SMC1B: variants seen among roughly 807,000 people sequenced by gnomAD.
SMC1B encodes the protein structural maintenance of chromosomes protein 1B.
In SMC1B, 60 loss-of-function variants were observed where a neutral mutation model predicts 157.9. The ratio of observed to expected loss-of-function variants is 0.38; its 90% CI spans 0.31 to 0.47. SMC1B has a LOEUF of 0.47. Ranked by LOEUF, SMC1B falls within the 20% of genes least tolerant of loss-of-function variation. SMC1B has a pLI of 0.99. For missense variants in SMC1B, 1,165 were observed against 1,426.2 expected, an observed-to-expected ratio of 0.82 and a Z score of 2.95; for synonymous variants, 445 against 483.0, an observed-to-expected ratio of 0.92 and a Z score of 1.03.
intron 23 of SMC1B, among the ~76,000 whole-genome samples, chr22:45,346,212 A>T (rs998361450): frequency 2.6e-5 from 4 of 152,202 alleles, no homozygotes; most frequent in Non-Finnish European, 5.9e-5. Flanking sequence ...ATCTAACAAC[A>T]AGAAGAGCAA....
At chr22:45,354,847 G>A (rs2086654343) in intron 20 of SMC1B, 112 bp downstream of exon 20, 1 of 946,330 alleles carries the variant, frequency 1.1e-6, no homozygotes, top group Admixed American at 2.2e-5. Context: ...TAAGACCACA[G>A]AGGAAAAAAT....
intron 17 of SMC1B, among the ~76,000 whole-genome samples, chr22:45,361,006 C>T (rs1052535871): frequency 4.0e-5 from 6 of 148,634 alleles, no homozygotes; most frequent in Non-Finnish European, 8.9e-5. Flanking sequence ...GAGTTTCACT[C>T]TTGTTGCCCA....
At position 45,380,078 on chromosome 22, in the gene SMC1B, C is replaced by T. The variant is rs944756634; in HGVS notation, c.2058+3389G>A. On this transcript the variant is annotated intron_variant, in intron 12 of 24. Transcript: ENST00000357450. ...TCTAGTATTTTTGTCACATGGAGTACGTGGATGACAATCTGAATTTGCTTA... is the reference window on the plus strand; with the variant it reads ...TCTAGTATTTTTGTCACATGGAGTATGTGGATGACAATCTGAATTTGCTTA... Among the ~76,000 whole-genome samples the T allele has an allele frequency of 6.6e-5, 10 of 152,058 alleles. No homozygotes were observed. The South Asian group carries it at 1.2e-3, about 19-fold the overall frequency.
intron 12 of SMC1B, among the ~76,000 whole-genome samples, chr22:45,376,405 T>C (rs1034419292): frequency 1.3e-5 from 2 of 152,216 alleles, no homozygotes; most frequent in African/African-American, 4.8e-5. Context: ...ATTGTATGTA[T>C]ATACCACATT....
chr22:45,358,842 T>C, intron 18 of SMC1B, 47 bp from the exon 19 acceptor site: 1 of 1,418,092 alleles, frequency 7.1e-7, no homozygotes, highest in South Asian at 1.2e-5. Context: ...GTTTGTTGTC[T>C]TATATGGGAG....
chr22:45,373,002 C>T (rs780572644), intron 12 of SMC1B, among the ~76,000 whole-genome samples: 67 of 152,048 alleles, frequency 4.4e-4, no homozygotes, highest in Non-Finnish European at 8.7e-4. Flanking sequence ...CGTGAGCCAC[C>T]GCACCCGGCT....
Position 45,383,460 on chromosome 22 carries a change from G to A in SMC1B, c.2058+7C>T. 6.3e-7 allele frequency: 1 copy of A among 1,580,760 alleles called. No individual in the cohort carries two copies. Among genetic ancestry groups the A allele is most frequent in the Non-Finnish European group, 8.6e-7 (1 of 1,169,506 alleles). On this transcript the variant is annotated splice_region_variant and intron_variant, in intron 12 of 24. Transcript: ENST00000357450. ...AGTATATTACAACTTTTATGACATG[G>A]ATTTACCTTTAGCTCTTGGATTTTC...
In SMC1B at chr22:45,398,368, T is replaced by G. The variant is rs528452353; in HGVS notation, c.1113+727A>C. On this transcript the variant is annotated intron_variant, in intron 6 of 24. Transcript: ENST00000357450. ...TGCTCGCTCACACACCCTCTTCTGCTGGGGGCTGAGTGAGCAGTCGTGGCA... is the reference window on the plus strand; with the variant it reads ...TGCTCGCTCACACACCCTCTTCTGCGGGGGGCTGAGTGAGCAGTCGTGGCA... Among the ~76,000 whole-genome samples, 147 of 152,248 alleles carry G rather than the reference T, an allele frequency of 9.7e-4. 1 individual carries two copies. Among genetic ancestry groups the G allele is most frequent in the African/African-American group, 3.4e-3 (143 of 41,558 alleles).
At chr22:45,352,220 CAAA>C (rs34136195) in intron 22 of SMC1B, among the ~76,000 whole-genome samples, 5 of 122,622 alleles carry the variant, frequency 4.1e-5, no homozygotes, top group Admixed American at 7.9e-5. Context: ...ACTCTGTCTC[CAAA>C]AAAAAAAAAA....
Position 45,349,466 on chromosome 22 carries a change from G to A in SMC1B, c.3495+262C>T, listed in dbSNP as rs1430141062. Among the ~76,000 whole-genome samples the A allele has an allele frequency of 2.7e-5, 3 of 112,484 alleles. 1 individual carries two copies. The Admixed American group carries it at 2.8e-4, about 11-fold the overall frequency. The allele number at this position is 112,484 out of a possible 152,430, so 73.8% of individuals were successfully genotyped here. ...ATTCTCCTGCCTCAGCTCCTGAGTA[G>A]CTGGGATTACAGGCGCACACCACCA... On this transcript the variant is annotated intron_variant, in intron 23 of 24. Coordinates refer to ENST00000357450, the MANE Select transcript of SMC1B (RefSeq NM_148674.5).
chr22:45,376,538 G>C (rs2086885376), intron 12 of SMC1B, among the ~76,000 whole-genome samples: 1 of 151,712 alleles, frequency 6.6e-6, no homozygotes, highest in Non-Finnish European at 1.5e-5. Flanking sequence ...TCTTGTTTTG[G>C]GTATATGCCC....
intron 2 of SMC1B, among the ~76,000 whole-genome samples, chr22:45,407,362 G>T (rs1459655256): frequency 1.3e-5 from 2 of 152,112 alleles, no homozygotes; most frequent in Non-Finnish European, 2.9e-5. Flanking sequence ...AATATAAATT[G>T]ATAGCTTATC....
chr22:45,358,712 T>C lies in SMC1B; in HGVS notation c.2946A>G (p.Leu982=). Residue 982 remains leucine (L), a synonymous_variant, in exon 19 of 25, where the codon CTA becomes CTG. Coordinates refer to ENST00000357450, the MANE Select transcript of SMC1B (RefSeq NM_148674.5). ...TTTCCATTACCTTCAAATCCTCTTT[T>C]AGAGAGCTGTAGTCTATTTCAAAGG... The part of the protein sequence containing the change: ...EEAFEIDYSS[L]KEDLKALQSD... 2 of 1,605,676 alleles carry C rather than the reference T, an allele frequency of 1.2e-6. No individual in the cohort carries two copies. Among genetic ancestry groups the C allele is most frequent in the Non-Finnish European group, 1.7e-6 (2 of 1,174,296 alleles).
At chr22:45,371,614 T>A in intron 13 of SMC1B, 27 bp from the exon 14 acceptor site, 1 of 1,570,310 alleles carries the variant, frequency 6.4e-7, no homozygotes, top group Non-Finnish European at 8.6e-7. Context: ...AAAATTTTTT[T>A]AACATGGCTG....
chr22:45,349,719 G>A lies in SMC1B; in HGVS notation c.3495+9C>T. The A allele has an allele frequency of 1.9e-6, 3 of 1,607,634 alleles. No homozygotes were observed. Among genetic ancestry groups the A allele is most frequent in the Non-Finnish European group, 2.6e-6 (3 of 1,175,596 alleles). On this transcript the variant is annotated intron_variant, in intron 23 of 24. Transcript: ENST00000357450. ...GACAGTCTATTGAAAATGAAAAGCAGAAACTTACTTTGCCTATGTTAGTAT... is the reference window on the plus strand; with the variant it reads ...GACAGTCTATTGAAAATGAAAAGCAAAAACTTACTTTGCCTATGTTAGTAT...
At chr22:45,361,634 CA>C (rs2086722656) in intron 17 of SMC1B, among the ~76,000 whole-genome samples, 1 of 152,160 alleles carries the variant, frequency 6.6e-6, no homozygotes. Flanking sequence ...GAAGAAAAAA[CA>C]AAACACTATT....
intron 1 of SMC1B, among the ~76,000 whole-genome samples, chr22:45,410,852 A>G (rs947863061): frequency 2.6e-5 from 4 of 152,218 alleles, no homozygotes; most frequent in Non-Finnish European, 5.9e-5. Context: ...AATTGCTGCA[A>G]ATTTATTTAG....
At chr22:45,401,131 T>G (rs1229178988) in intron 5 of SMC1B, among the ~76,000 whole-genome samples, 1 of 152,226 alleles carries the variant, frequency 6.6e-6, no homozygotes, top group Non-Finnish European at 1.5e-5. Flanking sequence ...AATATTAGTT[T>G]ATTAATTCTG....
chr22:45,371,375 T>C, intron 14 of SMC1B, 96 bp downstream of exon 14: 2 of 1,396,648 alleles, frequency 1.4e-6, no homozygotes, highest in Non-Finnish European at 1.9e-6. Flanking sequence ...CTGTTACCTA[T>C]CAACCTTTGC....
Sources: gnomAD v4.1 joint callset for allele counts (sites outside exome capture counted in the v4.1 genomes callset) on GRCh38, gnomAD v4.1.1 for gene constraint, MANE v1.5 for transcripts, NCBI Gene and HGNC (gene_info 2026-07-23, HGNC 2026-07-21) for gene names.